PARP1: variants seen among roughly 807,000 people sequenced by gnomAD.
PARP1 encodes poly(ADP-ribose) polymerase 1.
A neutral mutation model predicts 118.7 loss-of-function variants in PARP1; 44 were observed. That is an observed-to-expected ratio of 0.37 (90% CI 0.29 to 0.48). The LOEUF (loss-of-function observed/expected upper bound fraction) is 0.48, where lower values mean the gene tolerates loss of function less well. PARP1 is among the 20% of genes least tolerant of loss of function. The pLI is 0.99. For synonymous variants in PARP1, 492 were observed against 483.2 expected, an observed-to-expected ratio of 1.02 and a Z score of -0.24; for missense variants, 1,100 against 1,272.4, an observed-to-expected ratio of 0.86 and a Z score of 2.06.
intron 1 of PARP1, among the ~76,000 whole-genome samples, chr1:226,404,322 T>A (rs1665095402): frequency 6.6e-6 from 1 of 152,186 alleles, no homozygotes; most frequent in South Asian, 2.1e-4. Context: ...TTCCACCAGA[T>A]CTCAATTAGG....
In PARP1 at chr1:226,402,281, C is replaced by G. The variant is rs769914649; in HGVS notation, c.219G>C (p.Gly73=). 6.2e-7 allele frequency: 1 copy of G among 1,614,178 alleles called. No homozygotes were observed. The highest frequency in any genetic ancestry group is 8.5e-7 in the Non-Finnish European group (1 of 1,180,034). ...SIRHPDVEVD[G]FSELRWDDQQ... ...GGTCATCCCACCGAAGCTCAGAGAA[C>G]CCATCCACCTCAACGTCAGGGTGCC... The change falls in exon 2 of 23, where the codon GGG becomes GGC. Residue 73 remains glycine (G), a synonymous_variant. Transcript: ENST00000366794.
In PARP1 at chr1:226,380,156, C is replaced by T; in HGVS notation, c.1309G>A (p.Glu437Lys). Reference sequence around the variant, plus strand: ...TCCTCCATCTTCTTATTCATCTTTTCCACCTCCTCTGTTCAAATTGAAAGG... The same window carrying T: ...TCCTCCATCTTCTTATTCATCTTTTTCACCTCCTCTGTTCAAATTGAAAGG... ...SLCISTKKEVEKMNKKMEEVK... is the reference protein window; with the variant it reads ...SLCISTKKEVKKMNKKMEEVK... Residue 437 changes from glutamate to lysine, a missense_variant, in exon 10 of 23, where the codon GAA becomes AAA. By Grantham distance (56) the Glu-to-Lys change is moderately conservative. Transcript: ENST00000366794. 1 of 1,614,150 alleles carries T rather than the reference C, an allele frequency of 6.2e-7. No homozygotes were observed. Among genetic ancestry groups the T allele is most frequent in the Non-Finnish European group, 8.5e-7 (1 of 1,180,012 alleles).
chr1:226,376,809 T>G (rs888438091), intron 13 of PARP1, among the ~76,000 whole-genome samples: 1 of 152,322 alleles, frequency 6.6e-6, no homozygotes, highest in East Asian at 1.9e-4. Context: ...GGATTCGGTT[T>G]GTTAGGATTT....
chr1:226,383,439 T>TA (rs200137047), intron 7 of PARP1, among the ~76,000 whole-genome samples: 41 of 151,858 alleles, frequency 2.7e-4, no homozygotes, highest in Admixed American at 1.7e-3. Context: ...AATCTTTCCC[T>TA]AAAAAAAACA....
At chr1:226,389,465 T>C (rs1388819882) in intron 4 of PARP1, among the ~76,000 whole-genome samples, 1 of 152,176 alleles carries the variant, frequency 6.6e-6, no homozygotes, top group Non-Finnish European at 1.5e-5. Context: ...GGGAAAAGAA[T>C]ACCATCTGCC....
chr1:226,408,079 C>T lies in PARP1; in HGVS notation c.-150G>A. ...ACACGCCGCACCGGCCACCGCCGTT[C>T]CCTGATAGATTGCTGATGCCTGGCC... On this transcript the variant is annotated 5_prime_UTR_variant, in exon 1 of 23. Coordinates refer to ENST00000366794, the MANE Select transcript of PARP1 (RefSeq NM_001618.4). 8.6e-7 allele frequency: 1 copy of T among 1,160,976 alleles called. No individual in the cohort carries two copies. The highest frequency in any genetic ancestry group is 1.5e-5 in the African/African-American group (1 of 65,572). 71.9% of individuals were successfully genotyped at this position (1,160,976 alleles called of 1,614,324 possible). A position where few individuals can be genotyped will look rare whatever the true frequency, so the allele number is the denominator to read the frequency against.
chr1:226,390,033 C>G (rs1274534006), intron 4 of PARP1, among the ~76,000 whole-genome samples: 3 of 152,162 alleles, frequency 2.0e-5, no homozygotes, highest in African/African-American at 7.2e-5. Flanking sequence ...CAGCATTGTT[C>G]CGAATAGTGA....
At chr1:226,374,198 C>A in intron 14 of PARP1, 28 bp downstream of exon 14, 1 of 1,612,474 alleles carries the variant, frequency 6.2e-7, no homozygotes, top group South Asian at 1.1e-5. Flanking sequence ...AGCAAATGCT[C>A]ACAGATAAAA....
At position 226,365,157 on chromosome 1, in the gene PARP1, G is replaced by C. The variant is rs2102726963; in HGVS notation, c.2506-3C>G. 6.2e-7 allele frequency: 1 copy of C among 1,614,160 alleles called. No individual in the cohort carries two copies. The highest frequency in any genetic ancestry group is 8.5e-7 in the Non-Finnish European group (1 of 1,180,024). ...CCTTCACGCTCTATCTTAAAGATCT[G>C]GTTGGAGTAGTAAACAAAGGGAAGG... On this transcript the variant is annotated splice_polypyrimidine_tract_variant and splice_region_variant and intron_variant, in intron 18 of 22. Coordinates refer to ENST00000366794, the MANE Select transcript of PARP1 (RefSeq NM_001618.4).
chr1:226,370,956 A>G (rs1161355326), intron 14 of PARP1: 1 of 239,970 alleles, frequency 4.2e-6, no homozygotes, highest in Non-Finnish European at 8.4e-6. Flanking sequence ...AAGAACCAAG[A>G]GTTTTCAAGT....
chr1:226,396,215 G>A (rs556741306), intron 2 of PARP1, among the ~76,000 whole-genome samples: 50 of 152,038 alleles, frequency 3.3e-4, no homozygotes, highest in Admixed American at 1.1e-3. Context: ...ACGTGGTGGC[G>A]CACACCTGTA....
Position 226,374,283 on chromosome 1 carries a change from G to C in PARP1, c.2013C>G (p.Asp671Glu), listed in dbSNP as rs2102732297. Residue 671 changes from aspartate (D) to glutamate (E), a missense_variant, in exon 14 of 23, where the codon GAC (aspartate) becomes GAG (glutamate). Coordinates refer to ENST00000366794, the MANE Select transcript of PARP1 (RefSeq NM_001618.4). ...TKSKLPKPVQ[D>E]LIKMIFDVES... ...CCACATCAAAGATCATCTTGATGAG[G>C]TCCTGAACTGGCTTGGGGAGCTTGG... 6.2e-7 allele frequency: 1 copy of C among 1,614,112 alleles called. No homozygotes were observed. Among genetic ancestry groups the C allele is most frequent in the Non-Finnish European group, 8.5e-7 (1 of 1,179,956 alleles).
intron 15 of PARP1, 42 bp downstream of exon 15, chr1:226,370,392 C>T: frequency 6.8e-7 from 1 of 1,480,716 alleles, no homozygotes; most frequent in South Asian, 1.1e-5. Context: ...CTAAGTCGGC[C>T]AGAGGAGGGT....
intron 14 of PARP1, among the ~76,000 whole-genome samples, chr1:226,373,660 A>ATGCC (rs1664437637): frequency 6.6e-6 from 1 of 152,150 alleles, no homozygotes; most frequent in Non-Finnish European, 1.5e-5. Context: ...AACCTTTTAA[A>ATGCC]AACTGGTATG....
In PARP1 at chr1:226,407,797, C is replaced by A; in HGVS notation, c.120+13G>T. The stretch of plus-strand genomic sequence containing the variant: ...CCGCGTCCCCGCCCCGCCGCCCGCA[C>A]AGCGGCCCGCACCTGCACCATGATG... On this transcript the variant is annotated intron_variant, in intron 1 of 22. Transcript: ENST00000366794. 6.4e-7 allele frequency: 1 copy of A among 1,556,834 alleles called. No homozygotes were observed. The highest frequency in any genetic ancestry group is 8.7e-7 in the Non-Finnish European group (1 of 1,150,478).
intron 5 of PARP1, 145 bp from the exon 6 acceptor site, chr1:226,386,587 G>C (rs1664722182): frequency 1.3e-6 from 1 of 745,226 alleles, no homozygotes; most frequent in Admixed American, 1.8e-5. Flanking sequence ...ATTAGCACAG[G>C]ATTTGACTCC....
In PARP1 at chr1:226,382,481, G is replaced by A. The variant is rs554199838; in HGVS notation, c.1159+555C>T. On this transcript the variant is annotated intron_variant, in intron 8 of 22. Coordinates refer to ENST00000366794, the MANE Select transcript of PARP1 (RefSeq NM_001618.4). ...GCTGTCGACCTAGCCTTTCTTAGGA[G>A]CCCCTCTCCTAGCCTCCCAGAGTAA... 3.9e-5 allele frequency among the ~76,000 whole-genome samples: 6 copies of A among 152,296 alleles called. No individual in the cohort carries two copies. In the South Asian group the frequency reaches 1.0e-3, roughly 26 times the overall value.
intron 2 of PARP1, among the ~76,000 whole-genome samples, chr1:226,399,829 T>C (rs1664994128): frequency 6.6e-6 from 1 of 152,148 alleles, no homozygotes; most frequent in South Asian, 2.1e-4. Flanking sequence ...TGGGTAGGGC[T>C]AGCGGGTATA....
chr1:226,360,874 T>TC lies in PARP1; in HGVS notation c.*585_*586insG, dbSNP rs1174540759. On this transcript the variant is annotated 3_prime_UTR_variant, in exon 23 of 23. Transcript: ENST00000366794. ...CAGTATTCCTGGAGAAGGAAAGCTC[T>TC]TTTTGTTTCTAAGTATGAGAAATTG... 4.4e-6 allele frequency: 1 copy of TC among 227,328 alleles called. No individual in the cohort carries two copies. The allele number at this position is 227,328 out of a possible 1,614,324, so 14.1% of individuals were successfully genotyped here.
Sources: allele counts gnomAD v4.1 joint callset (sites outside exome capture counted in the v4.1 genomes callset), GRCh38; gene constraint gnomAD v4.1.1; transcripts MANE v1.5; gene names NCBI Gene and HGNC (gene_info 2026-07-23, HGNC 2026-07-21).